Variants in SLMAP observed in about 807,000 individuals in gnomAD.
SLMAP encodes the protein sarcolemmal membrane-associated protein.
A neutral mutation model predicts 128.8 loss-of-function variants in SLMAP; 44 were observed. The observed-to-expected ratio is 0.34, with a 90% CI of 0.27 to 0.44. The LOEUF (loss-of-function observed/expected upper bound fraction) is 0.44. SLMAP is among the 20% of genes least tolerant of loss of function. The pLI, the probability that SLMAP is intolerant of heterozygous loss-of-function variation, is 1.00. For synonymous variants in SLMAP, 327 were observed against 348.8 expected (o/e 0.94, Z 0.70); for missense variants, 787 against 985.3 (o/e 0.80, Z 2.69).
chr3:57,886,968 G>A (rs2095906928), intron 14 of SLMAP, among the ~76,000 whole-genome samples: 3 of 152,026 alleles, frequency 2.0e-5, no homozygotes, highest in Non-Finnish European at 2.9e-5. Flanking sequence ...TAGGGTTTTT[G>A]TTGGGTAATG....
chr3:57,900,965 A>T (rs757440967), intron 17 of SLMAP: 5 of 152,210 alleles, frequency 3.3e-5, no homozygotes, highest in Non-Finnish European at 7.3e-5. Flanking sequence ...CAGTATGATA[A>T]GGCTGGTCCC....
Position 57,863,551 on chromosome 3 carries a change from C to A in SLMAP, c.967-997C>A, listed in dbSNP as rs375262820. ...TTCTGCAGGCTGAAGCTTCAGGCTG[C>A]TTCCACTGATGGCAGAAAGCAAAGT... is the stretch of plus-strand genomic sequence containing the variant. On this transcript the variant is annotated intron_variant, in intron 10 of 24. Transcript: ENST00000671191. 3.1e-4 allele frequency among the ~76,000 whole-genome samples: 47 copies of A among 152,294 alleles called. 2 individuals carry two copies. In the South Asian group the frequency reaches 9.3e-3, roughly 30 times the overall value.
chr3:57,833,535 T>G (rs1477749813), intron 3 of SLMAP, among the ~76,000 whole-genome samples: 1 of 151,974 alleles, frequency 6.6e-6, no homozygotes, highest in Non-Finnish European at 1.5e-5. Context: ...TTCTCCTGCC[T>G]CAGCCTCTCG....
At chr3:57,841,262 A>T in intron 3 of SLMAP, 37 bp from the exon 4 acceptor site, 1 of 1,273,294 alleles carries the variant, frequency 7.9e-7, no homozygotes, top group South Asian at 1.3e-5. Context: ...ATTTTTAAAC[A>T]ATTATTTCAT....
At chr3:57,827,370 C>G (rs921050675) in intron 2 of SLMAP, among the ~76,000 whole-genome samples, 3 of 152,198 alleles carry the variant, frequency 2.0e-5, no homozygotes, top group African/African-American at 2.4e-5. Flanking sequence ...CAGGAACTTT[C>G]TGAAGGTCAA....
At chr3:57,786,685 T>C (rs1418981502) in intron 2 of SLMAP, among the ~76,000 whole-genome samples, 1 of 151,100 alleles carries the variant, frequency 6.6e-6, no homozygotes, top group Non-Finnish European at 1.5e-5. Flanking sequence ...GTCTCCTGAG[T>C]AGCTGGTATT....
chr3:57,761,023 G>A (rs2078524175), intron 2 of SLMAP, among the ~76,000 whole-genome samples: 1 of 151,296 alleles, frequency 6.6e-6, no homozygotes, highest in African/African-American at 2.4e-5. Context: ...CACCGCGCCC[G>A]GCCAGGTTTT....
chr3:57,917,058 C>T lies in SLMAP; in HGVS notation c.2291C>T (p.Ala764Val), dbSNP rs1156877224. 3.1e-6 allele frequency: 5 copies of T among 1,613,798 alleles called. No homozygotes were observed. Among genetic ancestry groups the T allele is most frequent in the Non-Finnish European group, 4.2e-6 (5 of 1,179,878 alleles). ...KTLLSKAENQ[A>V]KDVQKEYEKT... ...CTTCTCAGTAAGGCAGAAAACCAAGCAAAGGATGTGCAGAAAGAGGTAAAG... is the reference window on the plus strand; with the variant it reads ...CTTCTCAGTAAGGCAGAAAACCAAGTAAAGGATGTGCAGAAAGAGGTAAAG... Residue 764 changes from alanine (A) to valine (V), a missense_variant, in exon 22 of 25, where the codon GCA becomes GTA. By Grantham distance (64) the Ala-to-Val change is moderately conservative (BLOSUM62 0). Around this residue, in one of 2 missense-constraint regions of SLMAP, gnomAD observed 715 missense variants for 843.6 expected, o/e 0.85. Coordinates refer to ENST00000671191, the MANE Select transcript of SLMAP (RefSeq NM_001377540.1).
intron 17 of SLMAP, among the ~76,000 whole-genome samples, chr3:57,906,487 T>C (rs2153679530): frequency 6.7e-6 from 1 of 148,512 alleles, no homozygotes; most frequent in South Asian, 2.1e-4. Context: ...AGCTAATTTT[T>C]AGTATTTTTA....
At chr3:57,874,408 T>A (rs998802434) in intron 14 of SLMAP, among the ~76,000 whole-genome samples, 1 of 152,122 alleles carries the variant, frequency 6.6e-6, no homozygotes, top group African/African-American at 2.4e-5. Context: ...TCTACTCAGT[T>A]ACAATTTGCA....
At chr3:57,764,514 AAAAG>A (rs2079284372) in intron 2 of SLMAP, among the ~76,000 whole-genome samples, 3 of 148,296 alleles carry the variant, frequency 2.0e-5, no homozygotes, top group Non-Finnish European at 3.0e-5. Context: ...AAAAAAAAAG[AAAAG>A]AAAAGAAAGA....
chr3:57,773,460 G>A (rs2081268424), intron 2 of SLMAP, among the ~76,000 whole-genome samples: 1 of 152,154 alleles, frequency 6.6e-6, no homozygotes, highest in South Asian at 2.1e-4. Flanking sequence ...TAAAATCACT[G>A]TTTCCAAAAA....
chr3:57,786,546 A>G (rs1471759822), intron 2 of SLMAP, among the ~76,000 whole-genome samples: 2 of 148,704 alleles, frequency 1.3e-5, no homozygotes, highest in African/African-American at 2.5e-5. Context: ...AGTGAAAATT[A>G]TATAGCTTTT....
intron 6 of SLMAP, among the ~76,000 whole-genome samples, chr3:57,850,128 A>G (rs576969000): frequency 6.6e-6 from 1 of 152,252 alleles, no homozygotes; most frequent in South Asian, 2.1e-4. Flanking sequence ...GTGAACTTTG[A>G]TGGCACCACT....
intron 21 of SLMAP, among the ~76,000 whole-genome samples, chr3:57,914,673 C>A (rs1024744747): frequency 1.3e-5 from 2 of 151,930 alleles, no homozygotes; most frequent in African/African-American, 2.4e-5. Context: ...ACCTCCACCC[C>A]CTGGGGTCAA....
chr3:57,840,101 G>A (rs1337515165), intron 3 of SLMAP, among the ~76,000 whole-genome samples: 1 of 151,888 alleles, frequency 6.6e-6, no homozygotes, highest in Non-Finnish European at 1.5e-5. Flanking sequence ...GATTACAGGC[G>A]TGAGCCACTG....
chr3:57,758,399 A>G (rs764382310), intron 2 of SLMAP, among the ~76,000 whole-genome samples: 2 of 152,234 alleles, frequency 1.3e-5, no homozygotes, highest in African/African-American at 2.4e-5. Context: ...GCAATAATCA[A>G]AGCTAATTTA....
At chr3:57,781,503 A>G (rs571100297) in intron 2 of SLMAP, among the ~76,000 whole-genome samples, 2 of 152,286 alleles carry the variant, frequency 1.3e-5, no homozygotes, top group Admixed American at 6.5e-5. Flanking sequence ...TTTCTTGTAA[A>G]GGAGAGAAAA....
chr3:57,914,972 G>A (rs1025132713), intron 21 of SLMAP, among the ~76,000 whole-genome samples: 2 of 149,332 alleles, frequency 1.3e-5, no homozygotes, highest in African/African-American at 2.5e-5. Flanking sequence ...TGCAGCCTCC[G>A]CCTCCCAGGT....
Sources: allele counts gnomAD v4.1 joint callset (sites outside exome capture counted in the v4.1 genomes callset), GRCh38; gene constraint gnomAD v4.1.1; regional missense constraint gnomAD v4.1.1; transcripts MANE v1.5; gene names NCBI Gene and HGNC (gene_info 2026-07-23, HGNC 2026-07-21).